The following YLPM1 variants were observed in gnomAD, a reference collection of about 807,000 sequenced individuals.
The protein encoded by YLPM1 is YLP motif-containing protein 1.
In YLPM1, 99 loss-of-function variants were observed where a neutral mutation model predicts 230.0. That is an observed-to-expected ratio of 0.43 (90% CI 0.37 to 0.51). The LOEUF is 0.51. YLPM1 is among the 20% of genes least tolerant of loss of function. The probability of loss-of-function intolerance (pLI) is 0.00; values close to 1 mark genes in which losing one functional copy is unlikely to be tolerated. For missense variants in YLPM1, 2,592 were observed against 2,707.7 expected (o/e 0.96, Z 0.95); for synonymous variants, 984 against 942.5 (o/e 1.04, Z -0.81).
At chr14:74,824,974 T>C (rs920302858) in intron 18 of YLPM1, among the ~76,000 whole-genome samples, 34 of 152,232 alleles carry the variant, frequency 2.2e-4, no homozygotes, top group Non-Finnish European at 5.9e-5. Context: ...TGGTGAAAAC[T>C]GCAAAATATT....
chr14:74,818,515 TA>T, intron 16 of YLPM1, among the ~76,000 whole-genome samples: 1 of 152,354 alleles, frequency 6.6e-6, no homozygotes, highest in African/African-American at 2.4e-5. Flanking sequence ...ACATTCTTGT[TA>T]ATGATGTCAC....
intron 6 of YLPM1, among the ~76,000 whole-genome samples, chr14:74,806,316 C>A (rs1406303530): frequency 6.6e-6 from 1 of 152,040 alleles, no homozygotes; most frequent in African/African-American, 2.4e-5. Flanking sequence ...AAGATTGCAC[C>A]ACTGCACTCC....
chr14:74,783,207 G>A (rs573771428), intron 4 of YLPM1, among the ~76,000 whole-genome samples: 1 of 152,016 alleles, frequency 6.6e-6, no homozygotes, highest in South Asian at 2.1e-4. Flanking sequence ...TGGGACCAGA[G>A]GTGCGCACCA....
At position 74,763,782 on chromosome 14, in the gene YLPM1, G is replaced by C. The variant is rs760952640; in HGVS notation, c.293G>C (p.Gly98Ala). Residue 98 changes from glycine (G) to alanine (A), a missense_variant, in exon 1 of 21, where the codon GGA becomes GCA. Gly to Ala is a moderately conservative substitution (Grantham distance 60). Transcript: ENST00000325680. ...PPPVMPGGGY[G>A]DWQPPPPPMP... is the part of the protein sequence containing the mutation. ...CCAGTGATGCCGGGGGGCGGCTACG[G>C]AGACTGGCAGCCGCCACCGCCACCG... 4.0e-6 allele frequency: 6 copies of C among 1,515,456 alleles called. No homozygotes were observed. In the South Asian group the frequency reaches 5.3e-5, roughly 13 times the overall value. The allele number at this position is 1,515,456 out of a possible 1,614,324, so 93.9% of individuals were successfully genotyped here.
chr14:74,827,097 AT>A (rs1318066055), intron 18 of YLPM1, among the ~76,000 whole-genome samples: 2 of 152,162 alleles, frequency 1.3e-5, no homozygotes, highest in Admixed American at 6.5e-5. Context: ...CGTTGAACAG[AT>A]TTTCAGAAAT....
At chr14:74,772,359 A>ATT (rs750529331) in intron 1 of YLPM1, among the ~76,000 whole-genome samples, 5 of 138,980 alleles carry the variant, frequency 3.6e-5, no homozygotes, top group Non-Finnish European at 6.3e-5. Context: ...TATATTCTTA[A>ATT]TTTTTTTTTT....
chr14:74,833,193 G>C (rs893490654), intron 19 of YLPM1, among the ~76,000 whole-genome samples: 3 of 152,028 alleles, frequency 2.0e-5, no homozygotes, highest in Admixed American at 6.6e-5. Flanking sequence ...ATGATCTTTC[G>C]CTAAAATGTG....
rs1372201613 is a variant in YLPM1, at chr14:74,763,405, G to A, written c.-85G>A. The A allele has an allele frequency of 2.8e-5, 39 of 1,374,198 alleles. No individual in the cohort carries two copies. Among genetic ancestry groups the A allele is most frequent in the Non-Finnish European group, 3.5e-5 (37 of 1,056,486 alleles). The allele number at this position is 1,374,198 out of a possible 1,614,324, so 85.1% of individuals were successfully genotyped here. A position where few individuals can be genotyped will look rare whatever the true frequency, so the allele number is the denominator to read the frequency against. ...GGGCCTGTAGGCGCCGCGAGTTCCG[G>A]CTGTCGCCGTCGCCGCCGCGGCTCC... On this transcript the variant is annotated 5_prime_UTR_variant, in exon 1 of 21. Coordinates refer to ENST00000325680, the MANE Select transcript of YLPM1 (RefSeq NM_019589.3).
chr14:74,788,117 C>CT (rs55982413), intron 4 of YLPM1, among the ~76,000 whole-genome samples: 7 of 148,924 alleles, frequency 4.7e-5, no homozygotes, highest in South Asian at 2.1e-4. Context: ...GTCACATACC[C>CT]TTTTTTTTTT....
intron 6 of YLPM1, among the ~76,000 whole-genome samples, chr14:74,807,469 G>T (rs1214948400): frequency 1.3e-5 from 2 of 152,048 alleles, no homozygotes; most frequent in Non-Finnish European, 2.9e-5. Context: ...ATTACTTGAG[G>T]CCTGGAGTTC....
In YLPM1 at chr14:74,764,269, C is replaced by T. The variant is rs1240098446; in HGVS notation, c.780C>T (p.Val260=). The T allele has an allele frequency of 6.2e-7, 1 of 1,613,898 alleles. No homozygotes were observed. The highest frequency in any genetic ancestry group is 1.7e-5 in the Admixed American group (1 of 59,992). The stretch of plus-strand genomic sequence containing the variant: ...CCCCCCCTGGAAATAAGACAACTGT[C>T]CAGCAAGAGCCTTTGGAGAGTGGGG... The part of the protein sequence containing the change: ...PSAPPGNKTT[V]QQEPLESGAK... The change falls in exon 1 of 21, where the codon GTC becomes GTT. Residue 260 remains valine, a synonymous_variant. Transcript: ENST00000325680.
At chr14:74,823,581 G>C (rs2091540064) in intron 17 of YLPM1, among the ~76,000 whole-genome samples, 1 of 152,050 alleles carries the variant, frequency 6.6e-6, no homozygotes, top group Admixed American at 6.6e-5. Context: ...TTTCATGTAA[G>C]AGGAAAACAT....
At chr14:74,791,795 A>G (rs1235046670) in intron 4 of YLPM1, among the ~76,000 whole-genome samples, 2 of 152,242 alleles carry the variant, frequency 1.3e-5, no homozygotes, top group Non-Finnish European at 2.9e-5. Flanking sequence ...CCTGACAATC[A>G]GTATGTGTTC....
intron 5 of YLPM1, 99 bp from the exon 6 acceptor site, chr14:74,802,457 A>G: frequency 2.1e-6 from 3 of 1,412,206 alleles, no homozygotes; most frequent in Non-Finnish European, 2.8e-6. Flanking sequence ...TAGGACAAGG[A>G]TTTTTTAGGT....
intron 3 of YLPM1, 50 bp from the exon 4 acceptor site, chr14:74,781,284 A>G: frequency 1.4e-6 from 2 of 1,455,526 alleles, no homozygotes; most frequent in Non-Finnish European, 1.8e-6. Flanking sequence ...ACCTATGATT[A>G]ATTATCTTAT....
rs1373153779 is a variant in YLPM1, at chr14:74,809,648, C to T, written c.4790C>T (p.Ser1597Leu). 1.2e-6 allele frequency: 2 copies of T among 1,613,924 alleles called. No homozygotes were observed. The highest frequency in any genetic ancestry group is 2.2e-5 in the East Asian group (1 of 44,896). ...DEQGLNSEFKSETAAIPSAPV... is the reference protein window; with the variant it reads ...DEQGLNSEFKLETAAIPSAPV... The stretch of plus-strand genomic sequence containing the variant: ...CAAGGACTGAATTCAGAATTTAAGT[C>T]AGAAACTGCAGCAATTCCATCTGCT... The change falls in exon 7 of 21, where the codon TCA becomes TTA. Residue 1597 changes from serine to leucine, a missense_variant. By Grantham distance (145) the Ser-to-Leu change is moderately radical (BLOSUM62 -2). This residue lies in a region of YLPM1 where 403 missense variants were observed against 426.7 expected (regional missense o/e 0.94). Transcript: ENST00000325680.
chr14:74,816,662 C>G lies in YLPM1; in HGVS notation c.5657C>G (p.Pro1886Arg). 1 of 1,613,242 alleles carries G rather than the reference C, an allele frequency of 6.2e-7. No individual in the cohort carries two copies. The highest frequency in any genetic ancestry group is 8.5e-7 in the Non-Finnish European group (1 of 1,179,616). ...ITEVEKEEKD[P>R]DSGKKVKKKV... ...GAAGTGGAAAAAGAAGAAAAAGATC[C>G]AGATTCTGGAAAGAAAGTGAAAAAG... The change falls in exon 13 of 21, where the codon CCA becomes CGA. Residue 1886 changes from proline to arginine, a missense_variant. Pro to Arg is a moderately radical substitution (Grantham distance 103). This residue lies in a region of YLPM1 where 315 missense variants were observed against 429.3 expected (regional missense o/e 0.73). Transcript: ENST00000325680.
At chr14:74,775,658 T>C (rs1471575384) in intron 1 of YLPM1, among the ~76,000 whole-genome samples, 1 of 152,208 alleles carries the variant, frequency 6.6e-6, no homozygotes, top group Non-Finnish European at 1.5e-5. Context: ...AATGAAATCA[T>C]AGCCAAGTTT....
chr14:74,798,332 G>A lies in YLPM1; in HGVS notation c.3035G>A (p.Gly1012Asp). The change falls in exon 5 of 21, where the codon GGC becomes GAC. Residue 1012 changes from glycine (G) to aspartate (D), a missense_variant. Gly to Asp is a moderately conservative substitution (Grantham distance 94). Coordinates refer to ENST00000325680, the MANE Select transcript of YLPM1 (RefSeq NM_019589.3). Reference protein sequence around the residue: ...RPDNRDNRLEGNRGNSSSYRG... With the variant: ...RPDNRDNRLEDNRGNSSSYRG... ...GATAATAGAGATAATAGATTAGAAG[G>A]CAATAGAGGCAACAGCTCATCTTAC... The A allele has an allele frequency of 1.2e-6, 2 of 1,613,808 alleles. No individual in the cohort carries two copies. Among genetic ancestry groups the A allele is most frequent in the Non-Finnish European group, 1.7e-6 (2 of 1,179,868 alleles).
Sources: allele counts gnomAD v4.1 joint callset (sites outside exome capture counted in the v4.1 genomes callset), GRCh38; gene constraint gnomAD v4.1.1; regional missense constraint gnomAD v4.1.1; transcripts MANE v1.5; gene names NCBI Gene and HGNC (gene_info 2026-07-23, HGNC 2026-07-21).